Variants in SMYD3 observed in about 807,000 individuals in gnomAD.
SMYD3 encodes the protein SET and MYND domain containing 3, also known as histone-lysine N-methyltransferase SMYD3.
A neutral mutation model predicts 57.7 loss-of-function variants in SMYD3; 36 were observed. The ratio of observed to expected loss-of-function variants is 0.62; its 90% CI spans 0.48 to 0.82. SMYD3 has a LOEUF of 0.82. Among genes scored for constraint, SMYD3 ranks in the 40% least tolerant of loss-of-function variants. The pLI is 0.00. For synonymous variants in SMYD3, 211 were observed against 195.0 expected (o/e 1.08, Z -0.68); for missense variants, 515 against 538.8 (o/e 0.96, Z 0.44).
chr1:246,096,331 C>G (rs1484743626), intron 5 of SMYD3: 1 of 152,194 alleles, frequency 6.6e-6, no homozygotes. Context: ...AAATATTAAT[C>G]CTAAACGGGT....
At chr1:246,460,256 C>A (rs2067776607) in intron 1 of SMYD3, among the ~76,000 whole-genome samples, 1 of 152,164 alleles carries the variant, frequency 6.6e-6, no homozygotes, top group African/African-American at 2.4e-5. Context: ...ACTTCTTACT[C>A]CTCTTCTCAA....
chr1:245,913,133 C>T (rs935504575), intron 8 of SMYD3, among the ~76,000 whole-genome samples: 1 of 152,050 alleles, frequency 6.6e-6, no homozygotes, highest in Non-Finnish European at 1.5e-5. Flanking sequence ...CAATGATAGA[C>T]TGGATTAAGA....
intron 1 of SMYD3, among the ~76,000 whole-genome samples, chr1:246,503,706 T>C (rs1221488543): frequency 6.6e-6 from 1 of 152,162 alleles, no homozygotes; most frequent in Non-Finnish European, 1.5e-5. Context: ...CTCACGCCTG[T>C]AATCCCAGCA....
chr1:246,252,846 T>C (rs992257545), intron 5 of SMYD3, among the ~76,000 whole-genome samples: 6 of 152,222 alleles, frequency 3.9e-5, no homozygotes, highest in Admixed American at 2.0e-4. Context: ...CCTGTTACTA[T>C]GGTAAATAAA....
In SMYD3 at chr1:246,055,289, A is replaced by C. The variant is rs568305884; in HGVS notation, c.532-125352T>G. Among the ~76,000 whole-genome samples the C allele has an allele frequency of 3.4e-4, 52 of 152,280 alleles. No individual in the cohort carries two copies. The Middle Eastern group carries it at 0.01, about 30-fold the overall frequency. ...CAGCTATTGTGGAAAACAGTCTGGC[A>C]GTTCCTTAAAAGACTAAACACGAGC... On this transcript the variant is annotated intron_variant, in intron 5 of 11. Transcript: ENST00000490107.
At chr1:246,291,579 T>C (rs1367895100) in intron 5 of SMYD3, among the ~76,000 whole-genome samples, 2 of 152,226 alleles carry the variant, frequency 1.3e-5, no homozygotes, top group Admixed American at 1.3e-4. Context: ...GCCGTCACTT[T>C]GAGAACACTT....
chr1:246,413,704 C>T (rs1029621913), intron 1 of SMYD3, among the ~76,000 whole-genome samples: 1 of 152,092 alleles, frequency 6.6e-6, no homozygotes, highest in African/African-American at 2.4e-5. Context: ...TCCGCTTTGC[C>T]TTCTACCATG....
At chr1:246,095,553 G>A (rs2060899813) in intron 5 of SMYD3, among the ~76,000 whole-genome samples, 1 of 152,208 alleles carries the variant, frequency 6.6e-6, no homozygotes, top group South Asian at 2.1e-4. Flanking sequence ...GCTTGGGACT[G>A]ATGCATCTGT....
intron 1 of SMYD3, among the ~76,000 whole-genome samples, chr1:246,473,240 C>G (rs7524793): frequency 6.6e-6 from 1 of 152,018 alleles, no homozygotes; most frequent in East Asian, 1.9e-4. Flanking sequence ...TCTGGCAATA[C>G]GAGAAACTAT....
At chr1:246,182,908 G>A (rs1231842176) in intron 5 of SMYD3, among the ~76,000 whole-genome samples, 4 of 152,030 alleles carry the variant, frequency 2.6e-5, no homozygotes, top group South Asian at 2.1e-4. Context: ...TTCCAGACCC[G>A]GCTGAGAAGA....
chr1:245,784,843 A>ATTTTTT (rs74163079), intron 10 of SMYD3, among the ~76,000 whole-genome samples: 6 of 115,704 alleles, frequency 5.2e-5, no homozygotes, highest in Admixed American at 1.7e-4. Context: ...TTTAGACTGA[A>ATTTTTT]TTTTTTTTTT....
intron 5 of SMYD3, among the ~76,000 whole-genome samples, chr1:246,307,735 A>C (rs1357074544): frequency 6.6e-6 from 1 of 152,032 alleles, no homozygotes; most frequent in Non-Finnish European, 1.5e-5. Context: ...GGGGATTCTT[A>C]TCAGGAAGAG....
intron 1 of SMYD3, among the ~76,000 whole-genome samples, chr1:246,421,353 T>C (rs2067140501): frequency 6.6e-6 from 1 of 151,960 alleles, no homozygotes; most frequent in Admixed American, 6.5e-5. Flanking sequence ...CAGTAAAAGT[T>C]ACCAAAAGAA....
chr1:245,793,049 G>A (rs187042691), intron 10 of SMYD3, among the ~76,000 whole-genome samples: 16 of 145,568 alleles, frequency 1.1e-4, no homozygotes, highest in African/African-American at 2.6e-4. Context: ...AGTGGCTCAT[G>A]CCTGTAATCC....
intron 2 of SMYD3, among the ~76,000 whole-genome samples, chr1:246,349,520 A>G (rs922594036): frequency 1.3e-5 from 2 of 152,124 alleles, no homozygotes. Context: ...AGGAAGGAGG[A>G]TGAGTTGAAC....
At chr1:246,265,089 G>C (rs535352028) in intron 5 of SMYD3, among the ~76,000 whole-genome samples, 1 of 152,136 alleles carries the variant, frequency 6.6e-6, no homozygotes, top group Non-Finnish European at 1.5e-5. Flanking sequence ...AATTGCTCTT[G>C]CACTGTTCTT....
intron 5 of SMYD3, among the ~76,000 whole-genome samples, chr1:246,127,497 G>C (rs1250070116): frequency 6.6e-6 from 1 of 152,114 alleles, no homozygotes; most frequent in Non-Finnish European, 1.5e-5. Flanking sequence ...TTTTTAAGGA[G>C]CTAATTTCTA....
At chr1:246,072,703 G>C (rs1231049108) in intron 5 of SMYD3, among the ~76,000 whole-genome samples, 1 of 152,176 alleles carries the variant, frequency 6.6e-6, no homozygotes, top group African/African-American at 2.4e-5. Flanking sequence ...TGGAGTAGGT[G>C]GAGATCTGCC....
intron 5 of SMYD3, among the ~76,000 whole-genome samples, chr1:246,207,470 C>T (rs1436968610): frequency 2.0e-5 from 3 of 151,938 alleles, no homozygotes; most frequent in Non-Finnish European, 4.4e-5. Flanking sequence ...CTAAATACAG[C>T]ATAAGGAGTG....
Sources: gnomAD v4.1 joint callset for allele counts (sites outside exome capture counted in the v4.1 genomes callset) on GRCh38, gnomAD v4.1.1 for gene constraint, MANE v1.5 for transcripts, NCBI Gene and HGNC (gene_info 2026-07-23, HGNC 2026-07-21) for gene names.